The following NCOA6 variants were observed in gnomAD, a reference collection of about 807,000 sequenced individuals.
NCOA6 encodes the protein NRC RAP250.
A neutral mutation model predicts 171.4 loss-of-function variants in NCOA6; 49 were observed. The ratio of observed to expected loss-of-function variants is 0.29; its 90% CI spans 0.23 to 0.36. The LOEUF (loss-of-function observed/expected upper bound fraction) is 0.36, where lower values mean the gene tolerates loss of function less well. Among genes scored for constraint, NCOA6 ranks in the 10% least tolerant of loss-of-function variants. NCOA6 has a pLI of 1.00. For missense variants in NCOA6, 2,248 were observed against 2,554.5 expected, an observed-to-expected ratio of 0.88 and a Z score of 2.59; for synonymous variants, 910 against 927.5, an observed-to-expected ratio of 0.98 and a Z score of 0.34.
At chr20:34,722,111 T>C (rs922982664) in intron 14 of NCOA6, among the ~76,000 whole-genome samples, 8 of 140,478 alleles carry the variant, frequency 5.7e-5, no homozygotes, top group Non-Finnish European at 1.1e-4. Flanking sequence ...CTGGGCATGG[T>C]GGCTCATGCC....
chr20:34,823,949 G>A (rs571601516), intron 1 of NCOA6, among the ~76,000 whole-genome samples: 2 of 152,282 alleles, frequency 1.3e-5, no homozygotes, highest in South Asian at 4.1e-4. Flanking sequence ...CTCCCAAAGT[G>A]TTGGGATTAC....
At chr20:34,717,671 T>C (rs1405634945) in intron 14 of NCOA6, among the ~76,000 whole-genome samples, 1 of 152,208 alleles carries the variant, frequency 6.6e-6, no homozygotes, top group Non-Finnish European at 1.5e-5. Context: ...ATGTTAATAA[T>C]GGTGTTCTTT....
chr20:34,793,707 T>C (rs1273935591), intron 1 of NCOA6, among the ~76,000 whole-genome samples: 2 of 151,876 alleles, frequency 1.3e-5, no homozygotes, highest in Non-Finnish European at 2.9e-5. Flanking sequence ...GCAAAAAACA[T>C]TGTAAGTCAA....
At chr20:34,753,245 C>T (rs2076545433) in intron 8 of NCOA6, among the ~76,000 whole-genome samples, 1 of 151,140 alleles carries the variant, frequency 6.6e-6, no homozygotes, top group Non-Finnish European at 1.5e-5. Context: ...CAGGGTTTTA[C>T]CACGTTGGTC....
intron 1 of NCOA6, among the ~76,000 whole-genome samples, chr20:34,799,082 A>G (rs919055429): frequency 2.6e-5 from 4 of 152,236 alleles, no homozygotes; most frequent in East Asian, 1.9e-4. Context: ...AGGAAACTCA[A>G]TGAAATTCAA....
chr20:34,741,221 G>A lies in NCOA6; in HGVS notation c.5035C>T (p.Pro1679Ser), dbSNP rs2076132231. The change falls in exon 11 of 15, where the codon CCT becomes TCT. Residue 1679 changes from proline to serine, a missense_variant. This residue lies in a region of NCOA6 where 884 missense variants were observed against 941.9 expected (regional missense o/e 0.94). Coordinates refer to ENST00000359003, the MANE Select transcript of NCOA6 (RefSeq NM_014071.5). ...GAGTTGGTTGTCAGTGGGGCTGCAG[G>A]AATTGTGCTTGGCTGTGATCCTTTC... ...VMKGSQPSTI[P>S]AAPLTTNSGL... is the part of the protein sequence containing the mutation. 6.2e-7 allele frequency: 1 copy of A among 1,614,122 alleles called. No individual in the cohort carries two copies. Among genetic ancestry groups the A allele is most frequent in the African/African-American group, 1.3e-5 (1 of 74,940 alleles).
chr20:34,816,856 C>A (rs774158723), intron 1 of NCOA6, among the ~76,000 whole-genome samples: 1 of 151,046 alleles, frequency 6.6e-6, no homozygotes, highest in Non-Finnish European at 1.5e-5. Context: ...TGCAGTGGCT[C>A]ACACCTGTAA....
Position 34,754,867 on chromosome 20 carries a change from T to C in NCOA6, c.1530A>G (p.Gly510=), listed in dbSNP as rs2076599650. 1.9e-6 allele frequency: 3 copies of C among 1,613,844 alleles called. No individual in the cohort carries two copies. The highest frequency in any genetic ancestry group is 8.5e-7 in the Non-Finnish European group (1 of 1,179,962). The change falls in exon 8 of 15, where the codon GGA becomes GGG. Residue 510 remains glycine, a splice_region_variant and synonymous_variant. Coordinates refer to ENST00000359003, the MANE Select transcript of NCOA6 (RefSeq NM_014071.5). The part of the protein sequence containing the change: ...GPQSLHPGLG[G]MPKRLPPGFS... ...AGCCAGGTGGGAGGCGTTTAGGCAT[T>C]CCTTAATAGAAAACAATGAGTAAGG... is the stretch of plus-strand genomic sequence containing the variant.
At chr20:34,780,802 T>C (rs574440282) in intron 3 of NCOA6, among the ~76,000 whole-genome samples, 1 of 152,168 alleles carries the variant, frequency 6.6e-6, no homozygotes, top group African/African-American at 2.4e-5. Flanking sequence ...TACAGGTGCA[T>C]GCCAACATAC....
intron 1 of NCOA6, among the ~76,000 whole-genome samples, chr20:34,796,003 ATTTTTTTTT>A (rs569229378): frequency 3.1e-5 from 3 of 95,774 alleles, no homozygotes; most frequent in Admixed American, 1.3e-4. Flanking sequence ...ATATGTTTGA[ATTTTTTTTT>A]TTTTTTTTTT....
At chr20:34,722,033 T>G in intron 14 of NCOA6, among the ~76,000 whole-genome samples, 1 of 114,120 alleles carries the variant, frequency 8.8e-6, no homozygotes, top group African/African-American at 3.5e-5. Flanking sequence ...CTAGCCTGGG[T>G]GACACAGTGA....
chr20:34,733,163 G>A (rs2145412464), intron 12 of NCOA6, among the ~76,000 whole-genome samples: 1 of 152,298 alleles, frequency 6.6e-6, no homozygotes, highest in South Asian at 2.1e-4. Flanking sequence ...AATCTGTCTA[G>A]CAGGGTTTTC....
In NCOA6 at chr20:34,761,961, T is replaced by C. The variant is rs139908301; in HGVS notation, c.515-3028A>G. 1.9e-3 allele frequency among the ~76,000 whole-genome samples: 282 copies of C among 152,312 alleles called. 2 individuals are homozygous for C. Among genetic ancestry groups the C allele is most frequent in the African/African-American group, 6.4e-3 (266 of 41,570 alleles). On this transcript the variant is annotated intron_variant, in intron 5 of 14. Coordinates refer to ENST00000359003, the MANE Select transcript of NCOA6 (RefSeq NM_014071.5). ...GAGCTATCGTGCCCGGCTGACTGCA[T>C]GGTTTCTATATATGTCCATTATATA...
intron 1 of NCOA6, among the ~76,000 whole-genome samples, chr20:34,822,789 T>C (rs2079046379): frequency 2.6e-5 from 4 of 152,178 alleles, no homozygotes; most frequent in South Asian, 2.1e-4. Flanking sequence ...AGTCTATAGA[T>C]AGGACTTCAG....
chr20:34,754,583 C>T, intron 8 of NCOA6, 139 bp downstream of exon 8: 1 of 1,050,036 alleles, frequency 9.5e-7, no homozygotes, highest in Non-Finnish European at 1.3e-6. Flanking sequence ...AGTTACTGCC[C>T]TGAAAGAATA....
At chr20:34,772,246 CG>C (rs1480152333) in intron 4 of NCOA6, among the ~76,000 whole-genome samples, 2 of 151,018 alleles carry the variant, frequency 1.3e-5, no homozygotes, top group Non-Finnish European at 2.9e-5. Context: ...CCCAGGAGGC[CG>C]GGGCTACAGT....
In NCOA6 at chr20:34,750,479, C is replaced by T; in HGVS notation, c.1716G>A (p.Val572=). ...GAGPPQNQMQ[V]SHGPPNMMQP... The stretch of plus-strand genomic sequence containing the variant: ...GCATCATATTTGGCGGCCCGTGGGA[C>T]ACCTGCATCTGGTTTTGAGGAGGAC... Residue 572 remains valine (V), a synonymous_variant, in exon 9 of 15, where the codon GTG becomes GTA. Coordinates refer to ENST00000359003, the MANE Select transcript of NCOA6 (RefSeq NM_014071.5). 1 of 1,611,914 alleles carries T rather than the reference C, an allele frequency of 6.2e-7. No individual in the cohort carries two copies. The highest frequency in any genetic ancestry group is 1.7e-5 in the Admixed American group (1 of 59,848).
intron 11 of NCOA6, chr20:34,739,038 C>T (rs994562971): frequency 1.2e-5 from 5 of 434,420 alleles, no homozygotes; most frequent in African/African-American, 2.0e-5. Flanking sequence ...AATAGAGCTT[C>T]TTCACTTAAG....
chr20:34,822,842 C>T (rs2079047690), intron 1 of NCOA6, among the ~76,000 whole-genome samples: 1 of 152,144 alleles, frequency 6.6e-6, no homozygotes, highest in Non-Finnish European at 1.5e-5. Flanking sequence ...ATCTCTTTTA[C>T]TAACTTTTAA....
Sources: allele counts gnomAD v4.1 joint callset (sites outside exome capture counted in the v4.1 genomes callset), GRCh38; gene constraint gnomAD v4.1.1; regional missense constraint gnomAD v4.1.1; transcripts MANE v1.5; gene names NCBI Gene and HGNC (gene_info 2026-07-23, HGNC 2026-07-21).